The following SEPTIN11 variants were observed in gnomAD, a reference collection of about 807,000 sequenced individuals.
SEPTIN11 encodes the protein septin 11, also known as septin-11.
A neutral mutation model predicts 51.4 loss-of-function variants in SEPTIN11; 25 were observed. The observed-to-expected ratio is 0.49, with a 90% CI of 0.35 to 0.68. The LOEUF (loss-of-function observed/expected upper bound fraction) is 0.68, where lower values mean the gene tolerates loss of function less well. Among genes scored for constraint, SEPTIN11 ranks in the 30% least tolerant of loss-of-function variants. The pLI, the probability that SEPTIN11 is intolerant of heterozygous loss-of-function variation, is 0.00. For missense variants in SEPTIN11, 381 were observed against 520.8 expected (o/e 0.73, Z 2.61); for synonymous variants, 174 against 184.1 (o/e 0.95, Z 0.44).
At position 76,991,485 on chromosome 4, in the gene SEPTIN11, T is replaced by G. The variant is rs143167657; in HGVS notation, c.28-4940T>G. ...ATTCTTACATAATTTGTTTTATAAT[T>G]ATCTCAATAATGAAGTCAGCTGGGA... On this transcript the variant is annotated intron_variant, in intron 1 of 9. Coordinates refer to ENST00000264893, the MANE Select transcript of SEPTIN11 (RefSeq NM_018243.4). Among the ~76,000 whole-genome samples, 796 of 152,346 alleles carry G rather than the reference T, an allele frequency of 5.2e-3. 10 individuals carry two copies. The highest frequency in any genetic ancestry group is 0.019 in the African/African-American group (775 of 41,580).
At chr4:77,030,450 T>G (rs910085930) in intron 8 of SEPTIN11, among the ~76,000 whole-genome samples, 7 of 151,904 alleles carry the variant, frequency 4.6e-5, no homozygotes, top group Non-Finnish European at 8.8e-5. Flanking sequence ...CAGGCTGGAG[T>G]GCAGTGGTAC....
chr4:77,038,024 C>T lies in SEPTIN11; in HGVS notation c.*3512C>T, dbSNP rs1486176046. On this transcript the variant is annotated 3_prime_UTR_variant, in exon 10 of 10. Coordinates refer to ENST00000264893, the MANE Select transcript of SEPTIN11 (RefSeq NM_018243.4). ...TTGGGTGAGGTTTTTCAGCTGTTAC[C>T]GACCCACGTCCTGCTGTCTCTGTGT... is the stretch of plus-strand genomic sequence containing the variant. The T allele has an allele frequency of 9.1e-6, 9 of 985,766 alleles. No homozygotes were observed. Among genetic ancestry groups the T allele is most frequent in the South Asian group, 4.7e-5 (1 of 21,272 alleles). The allele number at this position is 985,766 out of a possible 1,614,324, so 61.1% of individuals were successfully genotyped here.
intron 1 of SEPTIN11, among the ~76,000 whole-genome samples, chr4:76,989,664 G>A (rs182583316): frequency 1.3e-5 from 2 of 152,284 alleles, no homozygotes; most frequent in Admixed American, 6.5e-5. Flanking sequence ...ACAATGGACC[G>A]CATATACAAC....
intron 3 of SEPTIN11, among the ~76,000 whole-genome samples, chr4:77,010,745 T>C (rs148491264): frequency 3.5e-3 from 535 of 152,336 alleles, no homozygotes; most frequent in Admixed American, 5.6e-3. Context: ...AAAACTTGTA[T>C]CTTCGGAAAG....
chr4:77,030,124 C>T (rs1462670076), intron 8 of SEPTIN11, among the ~76,000 whole-genome samples: 1 of 151,950 alleles, frequency 6.6e-6, no homozygotes, highest in South Asian at 2.1e-4. Flanking sequence ...GGTGTGGTGG[C>T]GCATGCCCAT....
intron 1 of SEPTIN11, among the ~76,000 whole-genome samples, chr4:76,985,886 C>T (rs2016985): frequency 0.52 from 78,715 of 152,004 alleles, 21,181 homozygotes; most frequent in Middle Eastern, 0.61. Flanking sequence ...ATGAGGGCAG[C>T]GTTAAGAGAA....
chr4:77,016,659 C>CAG (rs1553975155), intron 5 of SEPTIN11, among the ~76,000 whole-genome samples: 1 of 65,704 alleles, frequency 1.5e-5, no homozygotes. Flanking sequence ...TATATATACA[C>CAG]ATATATATAT....
intron 2 of SEPTIN11, among the ~76,000 whole-genome samples, chr4:76,997,182 A>G (rs555648856): frequency 1.2e-4 from 19 of 152,278 alleles, no homozygotes; most frequent in African/African-American, 4.6e-4. Flanking sequence ...CTCTCTCCCC[A>G]TCACGCCTGA....
chr4:76,953,200 C>A (rs1400387997), intron 1 of SEPTIN11, among the ~76,000 whole-genome samples: 1 of 152,108 alleles, frequency 6.6e-6, no homozygotes, highest in Non-Finnish European at 1.5e-5. Context: ...CATTTAACAC[C>A]ATTTATTAAG....
chr4:77,020,569 C>T lies in SEPTIN11; in HGVS notation c.852C>T (p.Asp284=). 2 of 1,614,004 alleles carry T rather than the reference C, an allele frequency of 1.2e-6. No individual in the cohort carries two copies. The highest frequency in any genetic ancestry group is 2.2e-5 in the South Asian group (2 of 91,076). The change falls in exon 7 of 10, where the codon GAC becomes GAT. Residue 284 remains aspartate (D), a synonymous_variant. Coordinates refer to ENST00000264893, the MANE Select transcript of SEPTIN11 (RefSeq NM_018243.4). The part of the protein sequence containing the change: ...REMLIRVNME[D]LREQTHTRHY... ...TGCTGATCCGCGTGAACATGGAGGA[C>T]TTGCGAGAGCAGACTCACACCCGCC...
At chr4:77,026,315 C>T (rs1182061400) in intron 7 of SEPTIN11, among the ~76,000 whole-genome samples, 2 of 152,156 alleles carry the variant, frequency 1.3e-5, no homozygotes, top group East Asian at 1.9e-4. Flanking sequence ...GCATTTAAGA[C>T]AAGCAGTAGT....
chr4:77,003,055 T>C (rs779920447), intron 2 of SEPTIN11, among the ~76,000 whole-genome samples: 9 of 152,244 alleles, frequency 5.9e-5, no homozygotes, highest in Non-Finnish European at 1.3e-4. Context: ...TCTGTTTACT[T>C]ACACAGCCTT....
intron 3 of SEPTIN11, 117 bp downstream of exon 3, chr4:77,005,913 A>AT (rs1203720204): frequency 9.0e-6 from 8 of 884,258 alleles, no homozygotes; most frequent in Non-Finnish European, 1.4e-5. Context: ...TTGGTCCTCT[A>AT]TTGCCTAAAA....
At chr4:76,980,730 A>G (rs11940434) in intron 1 of SEPTIN11, among the ~76,000 whole-genome samples, 19,594 of 152,186 alleles carry the variant, frequency 0.13, 1,397 homozygotes, top group South Asian at 0.2. Context: ...CATTTTATCT[A>G]TGTGAGTAAT....
Position 76,969,067 on chromosome 4 carries a change from T to C in SEPTIN11, c.27+19137T>C, listed in dbSNP as rs114333142. Among the ~76,000 whole-genome samples the C allele has an allele frequency of 2.1e-3, 324 of 152,334 alleles. 2 individuals are homozygous for C. The highest frequency in any genetic ancestry group is 7.7e-3 in the African/African-American group (319 of 41,578). On this transcript the variant is annotated intron_variant, in intron 1 of 9. Coordinates refer to ENST00000264893, the MANE Select transcript of SEPTIN11 (RefSeq NM_018243.4). ...GTTATGTTTGGCTTGAAACATAGTCTTCTTGCCTTGAAGAAAAGACTCCCT... is the reference window on the plus strand; with the variant it reads ...GTTATGTTTGGCTTGAAACATAGTCCTCTTGCCTTGAAGAAAAGACTCCCT...
At chr4:76,967,579 G>A (rs1722084414) in intron 1 of SEPTIN11, among the ~76,000 whole-genome samples, 1 of 152,198 alleles carries the variant, frequency 6.6e-6, no homozygotes, top group Admixed American at 6.5e-5. Flanking sequence ...AATTTGATGT[G>A]AAATTTCCAC....
In SEPTIN11 at chr4:77,037,680, G is replaced by C; in HGVS notation, c.*3168G>C. ...TGTTCAAACATAATACCATCTTTTT[G>C]CTTCTTCTGAACTTTAGATCTCCAT... On this transcript the variant is annotated 3_prime_UTR_variant, in exon 10 of 10. Transcript: ENST00000264893. 1 of 985,658 alleles carries C rather than the reference G, an allele frequency of 1.0e-6. No homozygotes were observed. Among genetic ancestry groups the C allele is most frequent in the South Asian group, 4.7e-5 (1 of 21,276 alleles). 61.1% of individuals were successfully genotyped at this position (985,658 alleles called of 1,614,324 possible).
At chr4:77,004,569 T>G (rs139328822) in intron 2 of SEPTIN11, among the ~76,000 whole-genome samples, 1 of 152,316 alleles carries the variant, frequency 6.6e-6, no homozygotes, top group Non-Finnish European at 1.5e-5. Context: ...AGCAATGACT[T>G]CAGGCAAGTT....
In SEPTIN11 at chr4:77,037,148, G is replaced by A. The variant is rs11559162; in HGVS notation, c.*2636G>A. 78,929 of 829,306 alleles carry A rather than the reference G, an allele frequency of 0.095. 4,213 individuals are homozygous for A. The highest frequency in any genetic ancestry group is 0.18 in the African/African-American group (9,598 of 54,134). The allele number at this position is 829,306 out of a possible 1,614,324, so 51.4% of individuals were successfully genotyped here. A position where few individuals can be genotyped will look rare whatever the true frequency, so the allele number is the denominator to read the frequency against. ...AGGCCGAGGTGGGCAGATCACTTGA[G>A]GCCTGGAGTTCAAGACCACCTTGGC... On this transcript the variant is annotated 3_prime_UTR_variant, in exon 10 of 10. Transcript: ENST00000264893.
Sources: allele counts gnomAD v4.1 joint callset (sites outside exome capture counted in the v4.1 genomes callset), GRCh38; gene constraint gnomAD v4.1.1; transcripts MANE v1.5; gene names NCBI Gene and HGNC (gene_info 2026-07-23, HGNC 2026-07-21).